Variants in HK1 observed in about 807,000 individuals in gnomAD.
HK1 encodes the protein hexokinase-1.
A neutral mutation model predicts 91.6 loss-of-function variants in HK1; 28 were observed. The ratio of observed to expected loss-of-function variants is 0.31; its 90% CI spans 0.23 to 0.42. The LOEUF is 0.42. Ranked by LOEUF, HK1 falls within the 10% of genes least tolerant of loss-of-function variation. The probability of loss-of-function intolerance (pLI) is 1.00; values close to 1 mark genes in which losing one functional copy is unlikely to be tolerated. For missense variants in HK1, 770 were observed against 1,219.8 expected, an observed-to-expected ratio of 0.63 and a Z score of 5.49; for synonymous variants, 430 against 468.1, an observed-to-expected ratio of 0.92 and a Z score of 1.05.
chr10:69,364,537 G>A (rs1346552664), intron 3 of HK1, among the ~76,000 whole-genome samples: 2 of 152,114 alleles, frequency 1.3e-5, no homozygotes, highest in African/African-American at 4.8e-5. Flanking sequence ...GGCCAGTTCT[G>A]TTGAAGGCTT....
chr10:69,334,041 G>A (rs932519693), intron 1 of HK1, among the ~76,000 whole-genome samples: 16 of 152,252 alleles, frequency 1.1e-4, no homozygotes, highest in Non-Finnish European at 1.8e-4. Flanking sequence ...AACCCGGGAG[G>A]TGGAGTTTGC....
rs763168107 is a variant in HK1, at chr10:69,380,147, A to G, written c.1265+52A>G. On this transcript the variant is annotated intron_variant, in intron 9 of 17. Transcript: ENST00000359426. The surrounding 1 kb of genome is among the most constrained non-coding windows in gnomAD (Gnocchi z 4.0). Reference sequence around the variant, plus strand: ...CACTCTGTACCCATTGTGGGTAGGGACCTTCTCCAGAGATCAGACTTTTGT... The same window carrying G: ...CACTCTGTACCCATTGTGGGTAGGGGCCTTCTCCAGAGATCAGACTTTTGT... 5.6e-6 allele frequency: 8 copies of G among 1,440,042 alleles called. No individual in the cohort carries two copies. The highest frequency in any genetic ancestry group is 6.8e-6 in the Non-Finnish European group (7 of 1,022,370). 89.2% of individuals were successfully genotyped at this position (1,440,042 alleles called of 1,614,324 possible).
intron 2 of HK1, among the ~76,000 whole-genome samples, chr10:69,356,364 C>T (rs1183394435): frequency 6.6e-6 from 1 of 151,884 alleles, no homozygotes; most frequent in Non-Finnish European, 1.5e-5. Flanking sequence ...TCCAGGAGGT[C>T]AAGGGTGCAG....
Position 69,395,116 on chromosome 10 carries a change from A to G in HK1, c.2375+11A>G, listed in dbSNP as rs370991604. ...CTCTCAGATCGAGAGGTGAGTGGGC[A>G]GTGTCTTCCCTGCCAGCGCCCACCC... is the stretch of plus-strand genomic sequence containing the variant. On this transcript the variant is annotated intron_variant, in intron 16 of 17. Coordinates refer to ENST00000359426, the MANE Select transcript of HK1 (RefSeq NM_000188.3). 2 of 1,612,998 alleles carry G rather than the reference A, an allele frequency of 1.2e-6. No homozygotes were observed. Among genetic ancestry groups the G allele is most frequent in the African/African-American group, 2.7e-5 (2 of 74,856 alleles).
At position 69,401,653 on chromosome 10, in the gene HK1, A is replaced by C. The variant is rs1404383777; in HGVS notation, c.*518A>C. ...GGCACCCACTGTGGCCTGGCATCGC[A>C]TCGTGGTGTGTCAATGCCACAAAAT... On this transcript the variant is annotated 3_prime_UTR_variant, in exon 18 of 18. Coordinates refer to ENST00000359426, the MANE Select transcript of HK1 (RefSeq NM_000188.3). The C allele has an allele frequency of 5.5e-6, 2 of 361,504 alleles. No homozygotes were observed. Among genetic ancestry groups the C allele is most frequent in the East Asian group, 1.8e-4 (2 of 11,086 alleles). 22.4% of individuals were successfully genotyped at this position (361,504 alleles called of 1,614,324 possible).
chr10:69,401,626 C>A lies in HK1; in HGVS notation c.*491C>A. On this transcript the variant is annotated 3_prime_UTR_variant, in exon 18 of 18. Transcript: ENST00000359426. ...ATAGCATTAGCTGCTTCCTCCCCTC[C>A]TGGCACCCACTGTGGCCTGGCATCG... 2.6e-6 allele frequency: 1 copy of A among 390,898 alleles called. No homozygotes were observed. Among genetic ancestry groups the A allele is most frequent in the Non-Finnish European group, 5.0e-6 (1 of 199,146 alleles). The allele number at this position is 390,898 out of a possible 1,614,324, so 24.2% of individuals were successfully genotyped here. A position where few individuals can be genotyped will look rare whatever the true frequency, so the allele number is the denominator to read the frequency against.
intron 5 of HK1, among the ~76,000 whole-genome samples, chr10:69,303,194 G>T (rs72805681): frequency 5.9e-5 from 9 of 152,088 alleles, no homozygotes; most frequent in Admixed American, 5.2e-4. Context: ...GTAATGTGGT[G>T]GGGGGAGGGG....
At chr10:69,368,456 T>C in intron 4 of HK1, 80 bp from the exon 5 acceptor site, 2 of 1,246,444 alleles carry the variant, frequency 1.6e-6, no homozygotes, top group Non-Finnish European at 2.4e-6. Flanking sequence ...GCTTCATCCC[T>C]GTCCTGGAGC....
chr10:69,398,860 G>A (rs781507734), intron 17 of HK1, 32 bp downstream of exon 17: 4 of 1,533,146 alleles, frequency 2.6e-6, no homozygotes, highest in Admixed American at 1.7e-5. Context: ...GATGCGCAGA[G>A]CTTGCTGGGA....
intron 2 of HK1, chr10:69,288,573 T>A: frequency 1.4e-6 from 1 of 733,276 alleles, no homozygotes; most frequent in Non-Finnish European, 2.5e-6. Context: ...TATGTCTTGG[T>A]TCTCAGTATT....
rs140107518 is a variant in HK1, at chr10:69,308,080, C to A, written c.27+7219C>A. On this transcript the variant is annotated intron_variant, in intron 5 of 21. Transcript: ENST00000360289. ...TTTTGAACTCCTGACCTCAAGTGAT[C>A]GACCCACCTCAGCCTCCCAAAGTGC... 1.1e-4 allele frequency among the ~76,000 whole-genome samples: 17 copies of A among 152,260 alleles called. No individual in the cohort carries two copies. In the East Asian group the frequency reaches 2.9e-3, roughly 26 times the overall value.
chr10:69,292,550 T>C (rs1055232256), intron 3 of HK1, among the ~76,000 whole-genome samples: 4 of 152,200 alleles, frequency 2.6e-5, no homozygotes, highest in African/African-American at 4.8e-5. Flanking sequence ...GGATTGCCCC[T>C]TGTGCTCTGT....
Position 69,389,226 on chromosome 10 carries a change from C to A in HK1, c.1965C>A (p.Val655=). The A allele has an allele frequency of 6.2e-7, 1 of 1,614,038 alleles. No homozygotes were observed. Among genetic ancestry groups the A allele is most frequent in the South Asian group, 1.1e-5 (1 of 91,042 alleles). The change falls in exon 14 of 18, where the codon GTC becomes GTA. Residue 655 remains valine (V), a synonymous_variant. Transcript: ENST00000359426. ...EEFDLDVVAV[V]NDTVGTMMTC... is the part of the protein sequence containing the mutation. ...TTGACCTGGACGTGGTGGCTGTGGT[C>A]AACGACACAGTGGGCACCATGATGA...
chr10:69,285,931 CA>C (rs1477725250), intron 2 of HK1, among the ~76,000 whole-genome samples: 1 of 152,152 alleles, frequency 6.6e-6, no homozygotes, highest in Non-Finnish European at 1.5e-5. Context: ...TCCTGGGTAA[CA>C]ACATTGTAAG....
intron 7 of HK1, among the ~76,000 whole-genome samples, chr10:69,370,264 C>G (rs145978782): frequency 3.4e-4 from 51 of 151,870 alleles, no homozygotes; most frequent in African/African-American, 1.2e-3. Flanking sequence ...CAGAGTTGAG[C>G]AGGTACTGGT....
chr10:69,285,689 C>T (rs72805665), intron 2 of HK1, among the ~76,000 whole-genome samples: 18,265 of 152,092 alleles, frequency 0.12, 1,459 homozygotes, highest in Middle Eastern at 0.19. Flanking sequence ...AGTTCTGCGG[C>T]GACATGTGCG....
intron 15 of HK1, among the ~76,000 whole-genome samples, chr10:69,394,393 C>T (rs1351285605): frequency 6.6e-6 from 1 of 152,096 alleles, no homozygotes; most frequent in African/African-American, 2.4e-5. Context: ...TCTTCTTGTT[C>T]CTTTAAGACT....
At chr10:69,338,684 T>C (rs772513012) in intron 1 of HK1, 1 of 169,086 alleles carries the variant, frequency 5.9e-6, no homozygotes, top group Admixed American at 1.2e-4. Context: ...GATGTGAGTG[T>C]GTGTGTGTGT....
intron 16 of HK1, among the ~76,000 whole-genome samples, chr10:69,395,565 G>C (rs1019337848): frequency 7.9e-5 from 12 of 152,238 alleles, no homozygotes; most frequent in Non-Finnish European, 1.8e-4. Flanking sequence ...CCTGGCAACA[G>C]AGCGAGACTG....
Sources: gnomAD v4.1 joint callset for allele counts (sites outside exome capture counted in the v4.1 genomes callset) on GRCh38, gnomAD v4.1.1 for gene constraint, Gnocchi (gnomAD v3.1) non-coding constraint, MANE v1.5 for transcripts, NCBI Gene and HGNC (gene_info 2026-07-23, HGNC 2026-07-21) for gene names.